Variants in REV3L observed in about 807,000 individuals in gnomAD.
REV3L encodes DNA polymerase zeta catalytic subunit.
In REV3L, 69 loss-of-function variants were observed where a neutral mutation model predicts 299.4. The ratio of observed to expected loss-of-function variants is 0.23; its 90% CI spans 0.19 to 0.28. The LOEUF (loss-of-function observed/expected upper bound fraction) is 0.28. REV3L is among the 10% of genes least tolerant of loss of function. REV3L has a pLI of 1.00. For synonymous variants in REV3L, 1,238 were observed against 1,271.4 expected (o/e 0.97, Z 0.56); for missense variants, 3,128 against 3,693.8 (o/e 0.85, Z 3.97).
intron 1 of REV3L, among the ~76,000 whole-genome samples, chr6:111,429,148 A>G (rs1355642165): frequency 6.6e-6 from 1 of 152,212 alleles, no homozygotes; most frequent in African/African-American, 2.4e-5. Context: ...TCAAATATAA[A>G]AAAGAGGGTT....
At chr6:111,429,789 G>C (rs1054254521) in intron 1 of REV3L, among the ~76,000 whole-genome samples, 1 of 152,036 alleles carries the variant, frequency 6.6e-6, no homozygotes, top group African/African-American at 2.4e-5. Context: ...GGCCTGGCGC[G>C]GGGGGTGAGC....
chr6:111,309,665 G>C (rs1230376623), intron 30 of REV3L, 188 bp downstream of exon 30: 1 of 527,440 alleles, frequency 1.9e-6, no homozygotes, highest in African/African-American at 2.0e-5. Context: ...TGGGGGTGGA[G>C]CCCTAGCCAG....
intron 22 of REV3L, among the ~76,000 whole-genome samples, chr6:111,334,233 T>C (rs935266066): frequency 8.5e-5 from 13 of 152,202 alleles, no homozygotes; most frequent in African/African-American, 2.4e-4. Context: ...CCACTGCACC[T>C]GGCCCTCTTT....
At chr6:111,348,500 CATTT>C (rs1213570700) in intron 20 of REV3L, among the ~76,000 whole-genome samples, 1 of 152,160 alleles carries the variant, frequency 6.6e-6, no homozygotes, top group African/African-American at 2.4e-5. Context: ...AAATATACTT[CATTT>C]GAGAAGCTCC....
At chr6:111,345,670 C>T (rs1453541686) in intron 20 of REV3L, among the ~76,000 whole-genome samples, 2 of 152,118 alleles carry the variant, frequency 1.3e-5, no homozygotes, top group Non-Finnish European at 2.9e-5. Flanking sequence ...CCCCTTGATG[C>T]TCTGACCTCT....
chr6:111,357,142 A>T lies in REV3L; in HGVS notation c.7073-17T>A. ...ATCTGATATCTAAAAAACAAACAAAATGTCTATTATATATAACATTATATA... is the reference window on the plus strand; with the variant it reads ...ATCTGATATCTAAAAAACAAACAAATTGTCTATTATATATAACATTATATA... On this transcript the variant is annotated splice_polypyrimidine_tract_variant and intron_variant, in intron 17 of 31. Transcript: ENST00000368802. 8.9e-7 allele frequency: 1 copy of T among 1,128,174 alleles called. No individual in the cohort carries two copies. The highest frequency in any genetic ancestry group is 1.3e-6 in the Non-Finnish European group (1 of 779,228). The allele number at this position is 1,128,174 out of a possible 1,614,324, so 69.9% of individuals were successfully genotyped here.
intron 3 of REV3L, among the ~76,000 whole-genome samples, chr6:111,407,356 G>A (rs562005056): frequency 3.9e-5 from 6 of 152,132 alleles, no homozygotes; most frequent in Non-Finnish European, 7.3e-5. Context: ...AAAATATACA[G>A]AGTAAAGATG....
chr6:111,364,632 T>C (rs17511027), intron 15 of REV3L, among the ~76,000 whole-genome samples: 4,330 of 152,088 alleles, frequency 0.028, 75 homozygotes, highest in South Asian at 0.079. Context: ...TCAGAAATAT[T>C]AAAATATATT....
chr6:111,384,709 G>C (rs1781167055), intron 9 of REV3L, among the ~76,000 whole-genome samples: 1 of 152,092 alleles, frequency 6.6e-6, no homozygotes, highest in Non-Finnish European at 1.5e-5. Flanking sequence ...ACTAAAGATA[G>C]AACTACCATA....
intron 19 of REV3L, among the ~76,000 whole-genome samples, chr6:111,351,421 C>T (rs1303919631): frequency 6.6e-6 from 1 of 152,084 alleles, no homozygotes; most frequent in Admixed American, 6.6e-5. Context: ...TTAAAAACCA[C>T]TACATATGTA....
Position 111,322,562 on chromosome 6 carries a change from C to T in REV3L, c.8351+7G>A, listed in dbSNP as rs974821317. 2 of 1,607,754 alleles carry T rather than the reference C, an allele frequency of 1.2e-6. No individual in the cohort carries two copies. The highest frequency in any genetic ancestry group is 3.3e-5 in the Admixed American group (2 of 59,992). ...AAAAGACAACTACAAAACCAAAAAC[C>T]CATTACCTGTCAGTATCGCCATATA... On this transcript the variant is annotated splice_region_variant and intron_variant, in intron 26 of 31. Transcript: ENST00000368802.
Position 111,374,277 on chromosome 6 carries a change from C to A in REV3L, c.4078G>T (p.Asp1360Tyr). The A allele has an allele frequency of 1.2e-6, 2 of 1,613,570 alleles. No individual in the cohort carries two copies. Among genetic ancestry groups the A allele is most frequent in the South Asian group, 2.2e-5 (2 of 91,014 alleles). ...ESTLIQKNIF[D>Y]LSNHLSQVAQ... Reference sequence around the variant, plus strand: ...ACCTGAGATAAATGATTGGAAAGGTCAAATATATTTTTTTGAATTAACGTT... The same window carrying A: ...ACCTGAGATAAATGATTGGAAAGGTAAAATATATTTTTTTGAATTAACGTT... Residue 1360 changes from aspartate (D) to tyrosine (Y), a missense_variant, in exon 13 of 32, where the codon GAC (aspartate) becomes TAC (tyrosine). Asp to Tyr is a radical substitution (Grantham distance 160). Around this residue, in one of 9 missense-constraint regions of REV3L, gnomAD observed 2,409 missense variants for 2,611.8 expected, o/e 0.92. Transcript: ENST00000368802.
chr6:111,402,778 T>A (rs1384875312), intron 4 of REV3L, among the ~76,000 whole-genome samples: 1 of 152,028 alleles, frequency 6.6e-6, no homozygotes, highest in Non-Finnish European at 1.5e-5. Flanking sequence ...AGAAAAAAAA[T>A]TATGGCAGTT....
At chr6:111,344,379 AT>A (rs1776824696) in intron 20 of REV3L, among the ~76,000 whole-genome samples, 1 of 152,120 alleles carries the variant, frequency 6.6e-6, no homozygotes, top group African/African-American at 2.4e-5. Context: ...AAGCAAATTA[AT>A]TTTTTGTTCT....
chr6:111,389,722 C>T lies in REV3L; in HGVS notation c.757+364G>A, dbSNP rs530602483. Among the ~76,000 whole-genome samples, 21 of 134,894 alleles carry T rather than the reference C, an allele frequency of 1.6e-4. No individual in the cohort carries two copies. The East Asian group carries it at 4.4e-3, about 29-fold the overall frequency. 88.5% of individuals were successfully genotyped at this position (134,894 alleles called of 152,430 possible). On this transcript the variant is annotated intron_variant, in intron 6 of 31. Transcript: ENST00000368802. ...CCTACTTTTTCTATTCCATTTTGGT[C>T]ATTAATTTTTTTTTTTTTTTTTTTT...
At chr6:111,419,148 C>T (rs1366941405) in intron 1 of REV3L, among the ~76,000 whole-genome samples, 1 of 152,222 alleles carries the variant, frequency 6.6e-6, no homozygotes, top group Non-Finnish European at 1.5e-5. Flanking sequence ...ACGTACCTCT[C>T]TCTCCAGTGC....
At chr6:111,358,228 C>G (rs892565467) in intron 17 of REV3L, among the ~76,000 whole-genome samples, 1 of 152,074 alleles carries the variant, frequency 6.6e-6, no homozygotes, top group Non-Finnish European at 1.5e-5. Flanking sequence ...AAGAATATAT[C>G]TTAAAAGTAT....
intron 1 of REV3L, among the ~76,000 whole-genome samples, chr6:111,478,007 T>C (rs956674596): frequency 1.8e-4 from 27 of 152,166 alleles, no homozygotes; most frequent in African/African-American, 6.5e-4. Flanking sequence ...AAACTAGAAT[T>C]ACTGGGTCAA....
intron 25 of REV3L, among the ~76,000 whole-genome samples, chr6:111,324,954 C>T (rs542205772): frequency 7.4e-4 from 112 of 151,682 alleles, no homozygotes; most frequent in Non-Finnish European, 1.4e-3. Flanking sequence ...CTCTACCTCC[C>T]GGGTTCACGC....
Sources: gnomAD v4.1 joint callset for allele counts (sites outside exome capture counted in the v4.1 genomes callset) on GRCh38, gnomAD v4.1.1 for gene constraint, gnomAD v4.1.1 regional missense constraint, MANE v1.5 for transcripts, NCBI Gene and HGNC (gene_info 2026-07-23, HGNC 2026-07-21) for gene names.